Variants in SDK1 observed in about 807,000 individuals in gnomAD.
SDK1 encodes protein sidekick-1.
Under a neutral mutation model 245.5 loss-of-function variants are expected in SDK1, and 157 were observed. The observed-to-expected ratio is 0.64, with a 90% CI of 0.56 to 0.73. The LOEUF (loss-of-function observed/expected upper bound fraction) is 0.73. Among genes scored for constraint, SDK1 ranks in the 30% least tolerant of loss-of-function variants. The pLI is 0.00. For synonymous variants in SDK1, 1,647 were observed against 1,278.5 expected (o/e 1.29, Z -6.15); for missense variants, 3,583 against 3,002.3 (o/e 1.19, Z -4.52).
At chr7:3,327,857 G>T (rs1438714374) in intron 1 of SDK1, among the ~76,000 whole-genome samples, 1 of 152,124 alleles carries the variant, frequency 6.6e-6, no homozygotes, top group Non-Finnish European at 1.5e-5. Context: ...GAAAACTCAT[G>T]TCTGAATTCT....
chr7:3,727,513 C>T lies in SDK1; in HGVS notation c.713+85408C>T, dbSNP rs190509309. On this transcript the variant is annotated intron_variant, in intron 4 of 44. Transcript: ENST00000404826. ...GAGAGAATTTTCTTTTTTTTTGAGA[C>T]GGAGCCTCGCTCTGTCACTCAGGCT... Among the ~76,000 whole-genome samples the T allele has an allele frequency of 3.1e-3, 466 of 152,062 alleles. 1 individual carries two copies. Among genetic ancestry groups the T allele is most frequent in the Non-Finnish European group, 5.3e-3 (359 of 67,970 alleles).
chr7:3,763,016 G>C (rs1780151030), intron 4 of SDK1, among the ~76,000 whole-genome samples: 1 of 151,160 alleles, frequency 6.6e-6, no homozygotes, highest in African/African-American at 2.5e-5. Context: ...ATTCAAGATA[G>C]GAGAGTAATT....
intron 19 of SDK1, among the ~76,000 whole-genome samples, chr7:4,065,694 G>GTTT (rs749991713): frequency 0.016 from 1,088 of 66,350 alleles, 64 homozygotes; most frequent in Non-Finnish European, 0.027. Context: ...AGTGGTTGTT[G>GTTT]TTTTTTTTTT....
intron 4 of SDK1, among the ~76,000 whole-genome samples, chr7:3,807,577 G>A (rs553257885): frequency 1.1e-3 from 163 of 152,226 alleles, no homozygotes; most frequent in Non-Finnish European, 2.1e-3. Flanking sequence ...AAAGACACAC[G>A]AAGACAGGCA....
At chr7:3,309,848 T>C (rs1779508833) in intron 1 of SDK1, among the ~76,000 whole-genome samples, 1 of 152,244 alleles carries the variant, frequency 6.6e-6, no homozygotes, top group African/African-American at 2.4e-5. Flanking sequence ...CTTGTAGGCA[T>C]ATTCCCTTTT....
intron 39 of SDK1, among the ~76,000 whole-genome samples, 168 bp downstream of exon 39, chr7:4,220,438 G>A (rs761794635): frequency 5.3e-5 from 8 of 151,814 alleles, no homozygotes; most frequent in Middle Eastern, 3.4e-3. Flanking sequence ...AAAAGCACGC[G>A]TCAACATGGA....
chr7:3,750,285 G>A (rs1459622505), intron 4 of SDK1, among the ~76,000 whole-genome samples: 1 of 152,178 alleles, frequency 6.6e-6, no homozygotes, highest in Non-Finnish European at 1.5e-5. Context: ...GGTGTTAATT[G>A]CATTGGAGAA....
At chr7:4,048,218 A>C (rs542579459) in intron 17 of SDK1, among the ~76,000 whole-genome samples, 5 of 152,216 alleles carry the variant, frequency 3.3e-5, no homozygotes, top group African/African-American at 1.2e-4. Context: ...ACAGGATCTT[A>C]GGCTTCTGTG....
chr7:3,722,041 G>GT (rs1057345885), intron 4 of SDK1, among the ~76,000 whole-genome samples: 9 of 151,286 alleles, frequency 5.9e-5, no homozygotes, highest in East Asian at 1.9e-4. Context: ...TGTTTTTTTT[G>GT]TTTTTTTGAG....
At position 3,634,738 on chromosome 7, in the gene SDK1, A is replaced by C. The variant is rs188594799; in HGVS notation, c.459-4266A>C. Among the ~76,000 whole-genome samples, 68 of 152,300 alleles carry C rather than the reference A, an allele frequency of 4.5e-4. 1 individual carries two copies. Among genetic ancestry groups the C allele is most frequent in the Non-Finnish European group, 8.8e-4 (60 of 68,016 alleles). ...CCCATAATAGGTGGAGGACTTTGCA[A>C]CTTTCTTCATATTTTTTCCTTGGTG... On this transcript the variant is annotated intron_variant, in intron 2 of 44. Coordinates refer to ENST00000404826, the MANE Select transcript of SDK1 (RefSeq NM_152744.4).
intron 4 of SDK1, among the ~76,000 whole-genome samples, chr7:3,691,816 AC>A (rs1180090624): frequency 2.0e-5 from 3 of 152,216 alleles, no homozygotes; most frequent in African/African-American, 7.2e-5. Context: ...TTATCTACTT[AC>A]TCATTCAGAC....
At chr7:4,258,174 A>T (rs1188804216) in intron 44 of SDK1, among the ~76,000 whole-genome samples, 2 of 152,214 alleles carry the variant, frequency 1.3e-5, no homozygotes, top group Non-Finnish European at 2.9e-5. Context: ...GAAATGGTAT[A>T]AACACGCAGA....
chr7:3,920,129 G>A (rs1326207296), intron 5 of SDK1, among the ~76,000 whole-genome samples: 1 of 152,210 alleles, frequency 6.6e-6, no homozygotes, highest in African/African-American at 2.4e-5. Context: ...CACCCCCACC[G>A]GGTCGTGTCC....
At chr7:3,426,948 C>G (rs1331495376) in intron 1 of SDK1, among the ~76,000 whole-genome samples, 1 of 152,178 alleles carries the variant, frequency 6.6e-6, no homozygotes, top group Non-Finnish European at 1.5e-5. Context: ...TTAGCTCTTG[C>G]TTGCCTTCCA....
At chr7:3,326,185 A>G (rs1779936628) in intron 1 of SDK1, among the ~76,000 whole-genome samples, 1 of 152,166 alleles carries the variant, frequency 6.6e-6, no homozygotes, top group Non-Finnish European at 1.5e-5. Context: ...GAAAGTAGAA[A>G]TCAACAGAAA....
At chr7:4,060,789 T>C (rs1210872814) in intron 19 of SDK1, among the ~76,000 whole-genome samples, 1 of 152,200 alleles carries the variant, frequency 6.6e-6, no homozygotes, top group East Asian at 1.9e-4. Context: ...AACGTTTAGG[T>C]CTTTAATCCA....
chr7:4,084,185 C>G (rs958964035), intron 22 of SDK1, among the ~76,000 whole-genome samples: 3 of 152,212 alleles, frequency 2.0e-5, no homozygotes, highest in African/African-American at 7.2e-5. Flanking sequence ...ATGCTTAATT[C>G]TTTTCCCTTA....
In SDK1 at chr7:4,130,113, G is replaced by C. The variant is rs755224710; in HGVS notation, c.4129+16G>C. On this transcript the variant is annotated intron_variant, in intron 27 of 44. Transcript: ENST00000404826. Reference sequence around the variant, plus strand: ...AAAGACGATGGTAGGTCCAGGGTTCGCGCCTTCGGGAGCCTTGCTGCCTCC... The same window carrying C: ...AAAGACGATGGTAGGTCCAGGGTTCCCGCCTTCGGGAGCCTTGCTGCCTCC... The C allele has an allele frequency of 3.2e-6, 5 of 1,562,074 alleles. No homozygotes were observed. The highest frequency in any genetic ancestry group is 1.4e-5 in the African/African-American group (1 of 73,558).
At chr7:3,507,381 G>C (rs1356906863) in intron 1 of SDK1, among the ~76,000 whole-genome samples, 1 of 152,128 alleles carries the variant, frequency 6.6e-6, no homozygotes, top group African/African-American at 2.4e-5. Context: ...TCTGATCTCT[G>C]TGTTGTCATG....
Sources: allele counts gnomAD v4.1 joint callset (sites outside exome capture counted in the v4.1 genomes callset), GRCh38; gene constraint gnomAD v4.1.1; transcripts MANE v1.5; gene names NCBI Gene and HGNC (gene_info 2026-07-23, HGNC 2026-07-21).